Variants in LRRC28 observed in about 807,000 individuals in gnomAD.
LRRC28 encodes the protein leucine rich repeat containing 28.
In LRRC28, 39 loss-of-function variants were observed where a neutral mutation model predicts 45.7. That is an observed-to-expected ratio of 0.85 (90% CI 0.66 to 1.12). The LOEUF is 1.12. LRRC28 is among the 50% of genes most tolerant of loss of function. The pLI is 0.00. For synonymous variants in LRRC28, 206 were observed against 178.8 expected (o/e 1.15, Z -1.22); for missense variants, 435 against 438.5 (o/e 0.99, Z 0.07).
chr15:99,271,872 T>C (rs1223318238), intron 2 of LRRC28, among the ~76,000 whole-genome samples: 1 of 152,252 alleles, frequency 6.6e-6, no homozygotes, highest in Non-Finnish European at 1.5e-5. Flanking sequence ...ATGTTGAGAT[T>C]ACAGGCTTGA....
Position 99,386,993 on chromosome 15 carries a change from A to G in LRRC28, c.*891A>G, listed in dbSNP as rs889625305. 6.6e-6 allele frequency: 1 copy of G among 152,178 alleles called. No individual in the cohort carries two copies. The highest frequency in any genetic ancestry group is 1.5e-5 in the Non-Finnish European group (1 of 68,032). 9.4% of individuals were successfully genotyped at this position (152,178 alleles called of 1,614,324 possible). On this transcript the variant is annotated 3_prime_UTR_variant, in exon 10 of 10. Transcript: ENST00000301981. ...CGTGTTCTTTTTTGATGGGTTTATGATTCAGTTTATACTGACTTTGAAATA... is the reference window on the plus strand; with the variant it reads ...CGTGTTCTTTTTTGATGGGTTTATGGTTCAGTTTATACTGACTTTGAAATA...
intron 9 of LRRC28, among the ~76,000 whole-genome samples, chr15:99,377,636 G>A (rs1268821635): frequency 1.3e-5 from 2 of 152,094 alleles, no homozygotes; most frequent in African/African-American, 4.8e-5. Flanking sequence ...GTCCTGAATG[G>A]TATTGCCTAG....
intron 6 of LRRC28, among the ~76,000 whole-genome samples, chr15:99,352,081 C>G (rs1173400642): frequency 6.6e-6 from 1 of 152,192 alleles, no homozygotes; most frequent in Non-Finnish European, 1.5e-5. Flanking sequence ...TCTTGCTAAA[C>G]TGACTTAGCA....
chr15:99,338,300 C>T (rs966597074), intron 6 of LRRC28: 5 of 152,280 alleles, frequency 3.3e-5, no homozygotes, highest in Non-Finnish European at 5.9e-5. Context: ...TTCCATGAAC[C>T]GTTTTCTGAA....
At chr15:99,285,977 G>A (rs1266548483) in intron 3 of LRRC28, among the ~76,000 whole-genome samples, 3 of 152,050 alleles carry the variant, frequency 2.0e-5, no homozygotes, top group Non-Finnish European at 2.9e-5. Flanking sequence ...CTACAAAATT[G>A]ATTTAATTCA....
chr15:99,258,624 A>G, intron 2 of LRRC28: 2 of 755,006 alleles, frequency 2.6e-6, no homozygotes, highest in Non-Finnish European at 4.8e-6. Context: ...ATGGGAACTT[A>G]TGAATGATAT....
intron 9 of LRRC28, among the ~76,000 whole-genome samples, chr15:99,370,124 A>G (rs1957443331): frequency 6.6e-6 from 1 of 152,220 alleles, no homozygotes; most frequent in Non-Finnish European, 1.5e-5. Context: ...AAGATTGCAA[A>G]CTGGGCCAAG....
intron 9 of LRRC28, among the ~76,000 whole-genome samples, chr15:99,383,060 C>A (rs894068142): frequency 1.3e-5 from 2 of 152,172 alleles, no homozygotes; most frequent in Non-Finnish European, 2.9e-5. Flanking sequence ...TCACCCTAAT[C>A]CATTTCAGAA....
intron 2 of LRRC28, among the ~76,000 whole-genome samples, chr15:99,273,078 C>T (rs1171158535): frequency 6.6e-6 from 1 of 152,144 alleles, no homozygotes; most frequent in South Asian, 2.1e-4. Context: ...AAAATTAAAA[C>T]GTATAACATT....
Position 99,274,615 on chromosome 15 carries a change from T to A in LRRC28, c.169-1961T>A, listed in dbSNP as rs1052244541. ...TTTTTCAATTATAAAAGACACATGCTTATTTTTAAAAATTCAAGTTTATGA... is the reference window on the plus strand; with the variant it reads ...TTTTTCAATTATAAAAGACACATGCATATTTTTAAAAATTCAAGTTTATGA... On this transcript the variant is annotated intron_variant, in intron 2 of 9. Coordinates refer to ENST00000301981, the MANE Select transcript of LRRC28 (RefSeq NM_144598.5). Among the ~76,000 whole-genome samples the A allele has an allele frequency of 1.3e-4, 20 of 152,244 alleles. 1 individual carries two copies. The highest frequency in any genetic ancestry group is 6.5e-5 in the Admixed American group (1 of 15,282).
chr15:99,286,942 G>T, intron 3 of LRRC28: 1 of 203,662 alleles, frequency 4.9e-6, no homozygotes, highest in Non-Finnish European at 9.8e-6. Context: ...TGAATAAAAT[G>T]AACTGGAAAA....
chr15:99,383,802 C>A (rs527861700), intron 9 of LRRC28, among the ~76,000 whole-genome samples: 1 of 152,150 alleles, frequency 6.6e-6, no homozygotes, highest in Non-Finnish European at 1.5e-5. Flanking sequence ...ACCCTGGGTC[C>A]TCTCTGCATT....
chr15:99,319,579 A>G (rs551886392), intron 5 of LRRC28, among the ~76,000 whole-genome samples: 2 of 152,180 alleles, frequency 1.3e-5, no homozygotes, highest in African/African-American at 4.8e-5. Context: ...GAAATAACTT[A>G]TTTGGAAGAA....
chr15:99,352,449 A>G lies in LRRC28; in HGVS notation c.673A>G (p.Asn225Asp). The change falls in exon 7 of 10, where the codon AAT (asparagine) becomes GAT (aspartate). Residue 225 changes from asparagine to aspartate, a missense_variant. Asn to Asp is a conservative substitution (Grantham distance 23). Transcript: ENST00000301981. ...HLKGLPSYLY[N>D]KVIGCSGCGA... ...GAAAGGCTTGCCATCTTATCTGTAC[A>G]ATAAAGTCATCGGGTGCAGTGGGTA... 2 of 1,613,908 alleles carry G rather than the reference A, an allele frequency of 1.2e-6. No individual in the cohort carries two copies. The highest frequency in any genetic ancestry group is 1.7e-6 in the Non-Finnish European group (2 of 1,179,898).
In LRRC28 at chr15:99,363,286, A is replaced by G. The variant is rs202116140; in HGVS notation, c.1031+21A>G. The G allele has an allele frequency of 5.6e-6, 9 of 1,613,022 alleles. No homozygotes were observed. In the East Asian group the frequency reaches 1.3e-4, roughly 24 times the overall value. On this transcript the variant is annotated intron_variant, in intron 9 of 9. Coordinates refer to ENST00000301981, the MANE Select transcript of LRRC28 (RefSeq NM_144598.5). ...CAGTGGTAATCATGCCTAAGTGGGC[A>G]CCAGGGTTTACACCCAGGCAAGGGG...
At chr15:99,284,732 C>T in intron 3 of LRRC28, 1 of 521,592 alleles carries the variant, frequency 1.9e-6, no homozygotes, top group Non-Finnish European at 3.8e-6. Context: ...GCCAGAGCTT[C>T]TGCCACCATT....
chr15:99,268,128 G>A (rs924681595), intron 2 of LRRC28, among the ~76,000 whole-genome samples: 1 of 152,008 alleles, frequency 6.6e-6, no homozygotes, highest in Admixed American at 6.6e-5. Context: ...CCTCTTCCTA[G>A]CCTAGCACCA....
At chr15:99,283,338 G>A (rs2081862007) in intron 3 of LRRC28, among the ~76,000 whole-genome samples, 1 of 150,852 alleles carries the variant, frequency 6.6e-6, no homozygotes, top group South Asian at 2.1e-4. Flanking sequence ...TACAGGCCAG[G>A]CATGGTGGCT....
At chr15:99,346,233 G>T (rs1461257083) in intron 6 of LRRC28, among the ~76,000 whole-genome samples, 2 of 152,156 alleles carry the variant, frequency 1.3e-5, no homozygotes, top group African/African-American at 2.4e-5. Flanking sequence ...CTAGCGTGCA[G>T]TGGTGCAGTT....
Sources: gnomAD v4.1 joint callset for allele counts (sites outside exome capture counted in the v4.1 genomes callset) on GRCh38, gnomAD v4.1.1 for gene constraint, MANE v1.5 for transcripts, NCBI Gene and HGNC (gene_info 2026-07-23, HGNC 2026-07-21) for gene names.